Variants in HGD observed in about 807,000 individuals in gnomAD.
HGD encodes homogentisate oxidase.
A neutral mutation model predicts 60.8 loss-of-function variants in HGD; 61 were observed. That is an observed-to-expected ratio of 1.00 (90% CI 0.82 to 1.24). The LOEUF (loss-of-function observed/expected upper bound fraction) is 1.24. HGD is among the 50% of genes most tolerant of loss of function. The pLI, the probability that HGD is intolerant of heterozygous loss-of-function variation, is 0.00. For missense variants in HGD, 542 were observed against 547.1 expected (o/e 0.99, Z 0.09); for synonymous variants, 212 against 187.7 (o/e 1.13, Z -1.06).
At chr3:120,643,394 G>C (rs1427185434) in intron 10 of HGD, among the ~76,000 whole-genome samples, 1 of 152,210 alleles carries the variant, frequency 6.6e-6, no homozygotes, top group African/African-American at 2.4e-5. Flanking sequence ...AAACTGCTGG[G>C]ATTACAGGCA....
At chr3:120,652,983 CA>C (rs1941389210) in intron 4 of HGD, among the ~76,000 whole-genome samples, 1 of 152,184 alleles carries the variant, frequency 6.6e-6, no homozygotes, top group South Asian at 2.1e-4. Flanking sequence ...TTTGCCCAGG[CA>C]CATCAGTGAG....
chr3:120,659,647 C>T (rs1409563983), intron 4 of HGD, among the ~76,000 whole-genome samples: 1 of 152,244 alleles, frequency 6.6e-6, no homozygotes, highest in African/African-American at 2.4e-5. Flanking sequence ...CTCTTCCAAC[C>T]TCTGCCAGTT....
At chr3:120,659,304 A>T (rs1451094559) in intron 4 of HGD, among the ~76,000 whole-genome samples, 1 of 152,238 alleles carries the variant, frequency 6.6e-6, no homozygotes, top group Non-Finnish European at 1.5e-5. Flanking sequence ...TTGCTCATGC[A>T]TGTGGGCATA....
intron 4 of HGD, among the ~76,000 whole-genome samples, chr3:120,662,214 G>A (rs1707788010): frequency 6.6e-6 from 1 of 152,142 alleles, no homozygotes; most frequent in Non-Finnish European, 1.5e-5. Flanking sequence ...AGTGGAGGGG[G>A]CGGGTGATGG....
At chr3:120,673,896 G>A (rs567700219) in intron 3 of HGD, among the ~76,000 whole-genome samples, 9 of 152,198 alleles carry the variant, frequency 5.9e-5, no homozygotes, top group African/African-American at 1.7e-4. Flanking sequence ...TTTGTTTTAC[G>A]AATGAAGAAC....
intron 11 of HGD, among the ~76,000 whole-genome samples, chr3:120,640,005 A>G (rs1940917139): frequency 6.6e-6 from 1 of 151,938 alleles, no homozygotes; most frequent in Non-Finnish European, 1.5e-5. Context: ...CTTCTTTAGC[A>G]TTAATTGTGG....
chr3:120,657,229 C>A (rs1270116456), intron 4 of HGD, among the ~76,000 whole-genome samples: 1 of 152,138 alleles, frequency 6.6e-6, no homozygotes, highest in Non-Finnish European at 1.5e-5. Context: ...AATTTGAAAG[C>A]ATCTTTAAGG....
intron 4 of HGD, among the ~76,000 whole-genome samples, chr3:120,655,504 G>T (rs1941469367): frequency 6.6e-6 from 1 of 152,192 alleles, no homozygotes; most frequent in South Asian, 2.1e-4. Context: ...ATCATACTGG[G>T]CCTGTATCAT....
chr3:120,674,894 C>G lies in HGD; in HGVS notation c.176+7G>C, dbSNP rs749673135. ...TCTGCAGGTCAGAATTCATCTAATC[C>G]TTGTACCTTCTCTTATTGGTGCTCC... On this transcript the variant is annotated splice_region_variant and intron_variant, in intron 3 of 13. Transcript: ENST00000283871. The G allele has an allele frequency of 1.9e-6, 3 of 1,591,210 alleles. No homozygotes were observed. Among genetic ancestry groups the G allele is most frequent in the East Asian group, 2.2e-5 (1 of 44,730 alleles).
intron 12 of HGD, among the ~76,000 whole-genome samples, chr3:120,635,621 A>C (rs1576286796): frequency 6.6e-6 from 1 of 152,144 alleles, no homozygotes; most frequent in African/African-American, 2.4e-5. Context: ...AGTATTGCCA[A>C]GGCAATATTT....
chr3:120,679,903 GTTGTT>G (rs1303306713), intron 1 of HGD, among the ~76,000 whole-genome samples: 2 of 152,194 alleles, frequency 1.3e-5, no homozygotes, highest in Non-Finnish European at 2.9e-5. Flanking sequence ...ATACATTTGT[GTTGTT>G]TTAAGCCAAT....
intron 3 of HGD, among the ~76,000 whole-genome samples, chr3:120,674,149 C>G (rs151118367): frequency 6.2e-4 from 95 of 152,336 alleles, no homozygotes; most frequent in African/African-American, 2.2e-3. Context: ...CCCCGAGTCT[C>G]TAATACCAGC....
rs552089878 is a variant in HGD at position 120,666,009 on chromosome 3, T to TA, written c.282+4417dup. ...ATGAATGCAAAATGCTGTGGTTAAA[T>TA]AATGAAGTATAAAATTGGAAAGAGA... On this transcript the variant is annotated intron_variant, in intron 4 of 13. Transcript: ENST00000283871. Among the ~76,000 whole-genome samples, 159 of 152,254 alleles carry TA rather than the reference T, an allele frequency of 1.0e-3. 1 individual carries two copies. The highest frequency in any genetic ancestry group is 3.6e-3 in the African/African-American group (149 of 41,544).
intron 5 of HGD, among the ~76,000 whole-genome samples, chr3:120,651,076 G>T (rs1280397408): frequency 6.6e-6 from 1 of 152,210 alleles, no homozygotes; most frequent in Non-Finnish European, 1.5e-5. Context: ...CTCCAGCCAT[G>T]GCCTAAATCT....
At chr3:120,646,489 G>A in intron 8 of HGD, 123 bp from the exon 9 acceptor site, 1 of 737,434 alleles carries the variant, frequency 1.4e-6, no homozygotes, top group South Asian at 1.5e-5. Flanking sequence ...GAGCTGCTTG[G>A]GAGGTGACCA....
At position 120,633,117 on chromosome 3, in the gene HGD, C is replaced by A. The variant is rs763427197; in HGVS notation, c.1188+30G>T. 3 of 1,609,820 alleles carry A rather than the reference C, an allele frequency of 1.9e-6. No individual in the cohort carries two copies. The Admixed American group carries it at 5.0e-5, about 27-fold the overall frequency. On this transcript the variant is annotated intron_variant, in intron 13 of 13. Transcript: ENST00000283871. ...TCAGTAAGGGTGGGGAGTTCAGAGGCCGCTGGAATGTGGCAGTTAACATAC... is the reference window on the plus strand; with the variant it reads ...TCAGTAAGGGTGGGGAGTTCAGAGGACGCTGGAATGTGGCAGTTAACATAC...
intron 4 of HGD, among the ~76,000 whole-genome samples, chr3:120,656,272 AC>A (rs2107527031): frequency 1.3e-5 from 2 of 152,324 alleles, no homozygotes; most frequent in Non-Finnish European, 2.9e-5. Flanking sequence ...TGTTTAAACT[AC>A]CCAGTCTGTG....
At chr3:120,659,204 C>CT (rs1941587098) in intron 4 of HGD, among the ~76,000 whole-genome samples, 1 of 152,248 alleles carries the variant, frequency 6.6e-6, no homozygotes, top group South Asian at 2.1e-4. Flanking sequence ...CTTTTACACT[C>CT]TACTTCCCTT....
In HGD at chr3:120,644,368, C is replaced by A; in HGVS notation, c.725G>T (p.Gly242Val). The change falls in exon 10 of 14, where the codon GGT becomes GTT. Residue 242 changes from glycine to valine, a missense_variant. By Grantham distance (109) the Gly-to-Val change is moderately radical. Around this residue, in one of 2 missense-constraint regions of HGD, gnomAD observed 537 missense variants for 529.1 expected, o/e 1.01. Transcript: ENST00000283871. ...CTGGTATTTATTAATGACCGTGTAACCACCTGGTACTTGGCGATCCTCATA... is the reference window on the plus strand; with the variant it reads ...CTGGTATTTATTAATGACCGTGTAAACACCTGGTACTTGGCGATCCTCATA... ...AWYEDRQVPG[G>V]YTVINKYQGK... The A allele has an allele frequency of 6.2e-7, 1 of 1,614,134 alleles. No individual in the cohort carries two copies. The highest frequency in any genetic ancestry group is 8.5e-7 in the Non-Finnish European group (1 of 1,179,998).
Sources: allele counts gnomAD v4.1 joint callset (sites outside exome capture counted in the v4.1 genomes callset), GRCh38; gene constraint gnomAD v4.1.1; regional missense constraint gnomAD v4.1.1; transcripts MANE v1.5; gene names NCBI Gene and HGNC (gene_info 2026-07-23, HGNC 2026-07-21).